CSMD3: variants seen among roughly 807,000 people sequenced by gnomAD.
CSMD3 encodes the protein CUB and Sushi multiple domains 3.
A neutral mutation model predicts 435.2 loss-of-function variants in CSMD3; 177 were observed. The ratio of observed to expected loss-of-function variants is 0.41; its 90% CI spans 0.36 to 0.46. The LOEUF is 0.46. Ranked by LOEUF, CSMD3 falls within the 20% of genes least tolerant of loss-of-function variation. The probability of loss-of-function intolerance (pLI) is 0.34; values close to 1 mark genes in which losing one functional copy is unlikely to be tolerated. For missense variants in CSMD3, 4,265 were observed against 4,504.6 expected (o/e 0.95, Z 1.52); for synonymous variants, 1,656 against 1,520.5 (o/e 1.09, Z -2.07).
At chr8:112,358,297 G>C (rs1826838448) in intron 38 of CSMD3, among the ~76,000 whole-genome samples, 1 of 152,132 alleles carries the variant, frequency 6.6e-6, no homozygotes, top group Non-Finnish European at 1.5e-5. Flanking sequence ...GCTCATAGAT[G>C]GAAGGGACTT....
chr8:113,288,949 C>T (rs1280713684), intron 2 of CSMD3, among the ~76,000 whole-genome samples: 2 of 151,642 alleles, frequency 1.3e-5, no homozygotes, highest in South Asian at 2.1e-4. Context: ...ATGATTTTTA[C>T]CATAATTATT....
In CSMD3 at chr8:113,203,921, T is replaced by C. The variant is rs117018163; in HGVS notation, c.515-30005A>G. Among the ~76,000 whole-genome samples the C allele has an allele frequency of 4.8e-3, 733 of 152,250 alleles. 5 individuals carry two copies. The highest frequency in any genetic ancestry group is 0.01 in the Middle Eastern group (3 of 294). On this transcript the variant is annotated intron_variant, in intron 3 of 70. Transcript: ENST00000297405. ...CATCTATTTTTAGTTAAATCAATGA[T>C]GGGTGTTTATGAATTGGCTCCTTCA... is the stretch of plus-strand genomic sequence containing the variant.
chr8:112,472,133 C>T (rs1020386853), intron 32 of CSMD3, among the ~76,000 whole-genome samples: 1 of 152,158 alleles, frequency 6.6e-6, no homozygotes, highest in African/African-American at 2.4e-5. Flanking sequence ...AAACTAGATG[C>T]TTAAAACCAA....
chr8:112,841,361 A>G (rs1366445018), intron 11 of CSMD3, among the ~76,000 whole-genome samples: 1 of 151,778 alleles, frequency 6.6e-6, no homozygotes, highest in Admixed American at 6.6e-5. Flanking sequence ...TCTGTCTCAG[A>G]CACTCTTCTC....
chr8:112,504,036 G>A (rs2130917790), intron 29 of CSMD3, 59 bp from the exon 30 acceptor site: 1 of 1,075,652 alleles, frequency 9.3e-7, no homozygotes, highest in Non-Finnish European at 1.4e-6. Flanking sequence ...TTATTATTAG[G>A]CTGTTAACCA....
chr8:113,026,203 C>A (rs1371145115), intron 5 of CSMD3, among the ~76,000 whole-genome samples: 1 of 152,122 alleles, frequency 6.6e-6, no homozygotes, highest in Non-Finnish European at 1.5e-5. Flanking sequence ...CTGCTGGTGG[C>A]CTCCAGCTTA....
intron 38 of CSMD3, among the ~76,000 whole-genome samples, chr8:112,359,095 C>T (rs1170587659): frequency 6.6e-6 from 1 of 151,950 alleles, no homozygotes; most frequent in Non-Finnish European, 1.5e-5. Context: ...TCATTAAAAG[C>T]CATTGTTTAT....
At position 112,749,077 on chromosome 8, in the gene CSMD3, T is replaced by C. The variant is rs117476056; in HGVS notation, c.1972+51085A>G. On this transcript the variant is annotated intron_variant, in intron 13 of 70. Coordinates refer to ENST00000297405, the MANE Select transcript of CSMD3 (RefSeq NM_198123.2). ...ATCTCATTGCAGTTTTGATTCACAT[T>C]TCTCTATTGATCAGTGATATTGAGC... Among the ~76,000 whole-genome samples the C allele has an allele frequency of 4.0e-3, 614 of 152,312 alleles. 13 individuals are homozygous for C. The East Asian group carries it at 0.074, about 18-fold the overall frequency.
intron 22 of CSMD3, among the ~76,000 whole-genome samples, chr8:112,618,547 T>C (rs1160015258): frequency 6.6e-6 from 1 of 152,022 alleles, no homozygotes; most frequent in East Asian, 1.9e-4. Flanking sequence ...AAATTCTTCT[T>C]AGATAGTGCC....
chr8:112,782,432 C>G (rs2078414391), intron 13 of CSMD3, among the ~76,000 whole-genome samples: 2 of 151,834 alleles, frequency 1.3e-5, no homozygotes, highest in Admixed American at 6.6e-5. Context: ...ATAAAGGATG[C>G]CTAAAAGATC....
At chr8:113,318,155 T>C (rs1212087043) in intron 1 of CSMD3, among the ~76,000 whole-genome samples, 1 of 152,096 alleles carries the variant, frequency 6.6e-6, no homozygotes, top group Non-Finnish European at 1.5e-5. Context: ...TGCAGAAAAT[T>C]TATACAGATA....
At position 112,705,502 on chromosome 8, in the gene CSMD3, A is replaced by G. The variant is rs370767243; in HGVS notation, c.1973-15452T>C. On this transcript the variant is annotated intron_variant, in intron 13 of 70. Coordinates refer to ENST00000297405, the MANE Select transcript of CSMD3 (RefSeq NM_198123.2). Reference sequence around the variant, plus strand: ...GGATCTTCATTTCTTGAGGACTCTCATGTACATTTAAAATTTTTATAAAAT... The same window carrying G: ...GGATCTTCATTTCTTGAGGACTCTCGTGTACATTTAAAATTTTTATAAAAT... 9.9e-5 allele frequency among the ~76,000 whole-genome samples: 15 copies of G among 152,150 alleles called. No homozygotes were observed. In the East Asian group the frequency reaches 2.9e-3, roughly 29 times the overall value.
intron 13 of CSMD3, among the ~76,000 whole-genome samples, chr8:112,776,958 C>T (rs1476770731): frequency 6.6e-6 from 1 of 151,710 alleles, no homozygotes; most frequent in East Asian, 1.9e-4. Context: ...GGATCCGAAA[C>T]ATAAATGTGG....
At chr8:112,520,637 T>C (rs1824184828) in intron 27 of CSMD3, among the ~76,000 whole-genome samples, 1 of 151,938 alleles carries the variant, frequency 6.6e-6, no homozygotes, top group African/African-American at 2.4e-5. Flanking sequence ...TTTACTATAA[T>C]GGAAAGCAGA....
intron 34 of CSMD3, among the ~76,000 whole-genome samples, 168 bp from the exon 35 acceptor site, chr8:112,406,895 A>G (rs1212300385): frequency 6.6e-6 from 1 of 152,106 alleles, no homozygotes; most frequent in Non-Finnish European, 1.5e-5. Context: ...AATAAAATAT[A>G]ATTTAAAATA....
At chr8:113,292,676 G>A (rs995632785) in intron 2 of CSMD3, among the ~76,000 whole-genome samples, 10 of 151,692 alleles carry the variant, frequency 6.6e-5, no homozygotes, top group Admixed American at 6.6e-4. Context: ...CATATGAGAT[G>A]GCATGCTGTT....
intron 23 of CSMD3, among the ~76,000 whole-genome samples, chr8:112,580,849 G>C (rs893840677): frequency 1.3e-5 from 2 of 152,076 alleles, no homozygotes; most frequent in African/African-American, 4.8e-5. Flanking sequence ...ACAACTTGAA[G>C]TCTTGATGCC....
In CSMD3 at chr8:112,370,888, C is replaced by A. The variant is rs950649902; in HGVS notation, c.6136+9464G>T. On this transcript the variant is annotated intron_variant, in intron 38 of 70. Transcript: ENST00000297405. ...ACTAATGGGAACAATGCCTGACACA[C>A]AGAGTTCAGTAAATATTTGTTGAAT... Among the ~76,000 whole-genome samples, 6 of 152,136 alleles carry A rather than the reference C, an allele frequency of 3.9e-5. No homozygotes were observed. In the East Asian group the frequency reaches 9.6e-4, roughly 24 times the overall value.
intron 1 of CSMD3, chr8:113,377,023 TGGGGTG>T: frequency 6.8e-6 from 1 of 145,988 alleles, no homozygotes; most frequent in Non-Finnish European, 8.7e-6. Context: ...GGGAGTGGGG[TGGGGTG>T]GGGGTGGGGC....
Sources: allele counts gnomAD v4.1 joint callset (sites outside exome capture counted in the v4.1 genomes callset), GRCh38; gene constraint gnomAD v4.1.1; transcripts MANE v1.5; gene names NCBI Gene and HGNC (gene_info 2026-07-23, HGNC 2026-07-21).